FOXP2: variants seen among roughly 807,000 people sequenced by gnomAD.
The protein encoded by FOXP2 is forkhead box protein P2.
A neutral mutation model predicts 115.8 loss-of-function variants in FOXP2; 12 were observed. The observed-to-expected ratio is 0.10, with a 90% confidence interval of 0.07 to 0.17. The LOEUF is 0.17. Ranked by LOEUF, FOXP2 falls within the 10% of genes least tolerant of loss-of-function variation. FOXP2 has a pLI of 1.00. For synonymous variants in FOXP2, 328 were observed against 297.7 expected (o/e 1.10, Z -1.05); for missense variants, 629 against 843.5 (o/e 0.75, Z 3.15).
At chr7:114,447,509 C>T (rs778754617) in intron 2 of FOXP2, among the ~76,000 whole-genome samples, 6 of 152,086 alleles carry the variant, frequency 3.9e-5, no homozygotes, top group Non-Finnish European at 8.8e-5. Flanking sequence ...CCAAATTGAA[C>T]CTTTTTCTGC....
intron 1 of FOXP2, among the ~76,000 whole-genome samples, chr7:114,091,198 AAAAC>A (rs1384683568): frequency 5.3e-5 from 8 of 151,806 alleles, no homozygotes; most frequent in African/African-American, 9.7e-5. Context: ...TTTCCCAGAC[AAAAC>A]AAACAAACAA....
chr7:114,683,193 C>A (rs1808188628), intron 16 of FOXP2, among the ~76,000 whole-genome samples: 1 of 152,130 alleles, frequency 6.6e-6, no homozygotes, highest in Admixed American at 6.6e-5. Context: ...AGAATTAGTA[C>A]AATGAAACTC....
intron 2 of FOXP2, among the ~76,000 whole-genome samples, chr7:114,392,645 T>A (rs1046405455): frequency 6.6e-6 from 1 of 152,180 alleles, no homozygotes; most frequent in Non-Finnish European, 1.5e-5. Flanking sequence ...ATGTCTCTGG[T>A]CTTCTTTCAT....
intron 2 of FOXP2, among the ~76,000 whole-genome samples, chr7:114,365,104 C>A (rs114978427): frequency 1.6e-3 from 249 of 151,930 alleles, no homozygotes; most frequent in African/African-American, 5.2e-3. Flanking sequence ...AATTTTTTTT[C>A]TTTTTGCAGA....
At chr7:114,492,707 T>C (rs932673132) in intron 2 of FOXP2, among the ~76,000 whole-genome samples, 6 of 152,232 alleles carry the variant, frequency 3.9e-5, no homozygotes, top group Non-Finnish European at 8.8e-5. Context: ...TCAGTTTCCA[T>C]GCAGTTGAGC....
intron 15 of FOXP2, 130 bp downstream of exon 15, chr7:114,663,649 T>G: frequency 1.4e-6 from 1 of 733,394 alleles, no homozygotes; most frequent in East Asian, 2.6e-5. Flanking sequence ...TTGTAGTACC[T>G]AGTACTATAG....
chr7:114,468,139 A>G (rs933686293), intron 2 of FOXP2, among the ~76,000 whole-genome samples: 4 of 152,194 alleles, frequency 2.6e-5, no homozygotes, highest in African/African-American at 9.6e-5. Context: ...TAGTGACAGT[A>G]GGCACTTTAA....
At chr7:114,606,539 C>T (rs1380565794) in intron 3 of FOXP2, among the ~76,000 whole-genome samples, 1 of 152,146 alleles carries the variant, frequency 6.6e-6, no homozygotes, top group African/African-American at 2.4e-5. Flanking sequence ...ATTTTATTAA[C>T]TTTATATAAC....
intron 3 of FOXP2, among the ~76,000 whole-genome samples, chr7:114,580,680 A>G (rs1428325155): frequency 1.3e-5 from 2 of 152,192 alleles, no homozygotes; most frequent in Non-Finnish European, 2.9e-5. Flanking sequence ...GAAAAACAAG[A>G]AATTGAGATT....
intron 6 of FOXP2, among the ~76,000 whole-genome samples, chr7:114,637,010 C>CA (rs1299335581): frequency 6.6e-6 from 1 of 151,930 alleles, no homozygotes; most frequent in East Asian, 1.9e-4. Flanking sequence ...CCTATCTTTA[C>CA]AAAAAATAAA....
intron 2 of FOXP2, among the ~76,000 whole-genome samples, chr7:114,404,319 G>A (rs1352924365): frequency 7.2e-5 from 11 of 152,056 alleles, no homozygotes; most frequent in Admixed American, 1.3e-4. Flanking sequence ...AAAATTCTAC[G>A]TAAAAACTTA....
At chr7:114,651,133 G>A (rs972777695) in intron 8 of FOXP2, among the ~76,000 whole-genome samples, 2 of 151,702 alleles carry the variant, frequency 1.3e-5, no homozygotes, top group African/African-American at 4.8e-5. Context: ...GTATACCCAG[G>A]GCTATTATAA....
At chr7:114,108,045 A>T (rs1222135807) in intron 1 of FOXP2, among the ~76,000 whole-genome samples, 1 of 151,966 alleles carries the variant, frequency 6.6e-6, no homozygotes, top group Non-Finnish European at 1.5e-5. Flanking sequence ...TTGTGATGTA[A>T]CAAAAGTTAG....
At position 114,151,830 on chromosome 7, in the gene FOXP2, C is replaced by T. The variant is rs1048300962; in HGVS notation, c.-246-11114C>T. On this transcript the variant is annotated intron_variant, in intron 1 of 19. Transcript: ENST00000635638. ...TTGGGGCATATGGTGCTACCTTCTG[C>T]AAATATAACACAAAAACAAGTCATT... Among the ~76,000 whole-genome samples the T allele has an allele frequency of 5.3e-5, 8 of 151,960 alleles. No individual in the cohort carries two copies. In the East Asian group the frequency reaches 9.6e-4, roughly 18 times the overall value.
chr7:114,119,624 T>C (rs1791505179), intron 1 of FOXP2, among the ~76,000 whole-genome samples: 1 of 152,114 alleles, frequency 6.6e-6, no homozygotes, highest in African/African-American at 2.4e-5. Context: ...GGCAGGATGA[T>C]TGCTTGAGCC....
At chr7:114,439,152 A>G (rs568837139) in intron 2 of FOXP2, among the ~76,000 whole-genome samples, 1 of 152,324 alleles carries the variant, frequency 6.6e-6, no homozygotes, top group South Asian at 2.1e-4. Context: ...TCTCATTCCA[A>G]GATGACCTTG....
chr7:114,409,955 C>G (rs1793125022), upstream of FOXP2, among the ~76,000 whole-genome samples: 1 of 152,084 alleles, frequency 6.6e-6, no homozygotes, highest in African/African-American at 2.4e-5. Flanking sequence ...TCCAATCTAT[C>G]TGAACCACAT....
chr7:114,513,210 G>A (rs1414707290), intron 2 of FOXP2, among the ~76,000 whole-genome samples: 2 of 152,088 alleles, frequency 1.3e-5, no homozygotes, highest in East Asian at 3.9e-4. Flanking sequence ...TTTTTTAGCT[G>A]TAAAATGTTA....
At chr7:114,486,731 T>C (rs1796796504) in intron 2 of FOXP2, among the ~76,000 whole-genome samples, 1 of 152,222 alleles carries the variant, frequency 6.6e-6, no homozygotes, top group Non-Finnish European at 1.5e-5. Context: ...AATGAAGCCA[T>C]GCAGGCCCCA....
Sources: gnomAD v4.1 joint callset for allele counts (sites outside exome capture counted in the v4.1 genomes callset) on GRCh38, gnomAD v4.1.1 for gene constraint, MANE v1.5 for transcripts, NCBI Gene and HGNC (gene_info 2026-07-23, HGNC 2026-07-21) for gene names.